The following INSL6 variants were observed in gnomAD, a reference collection of about 807,000 sequenced individuals.
INSL6 encodes insulin-like peptide INSL6.
INSL6 carries 16 observed loss-of-function variants against 9.4 expected under a neutral mutation model. The observed-to-expected ratio is 1.70, with a 90% CI of 1.15 to 2.59. The LOEUF (loss-of-function observed/expected upper bound fraction) is 2.59, where lower values mean the gene tolerates loss of function less well. Ranked by LOEUF, INSL6 falls within the 30% of genes most tolerant of loss-of-function variation. The probability of loss-of-function intolerance (pLI) is 0.00; values close to 1 mark genes in which losing one functional copy is unlikely to be tolerated. For synonymous variants in INSL6, 154 were observed against 96.9 expected, an observed-to-expected ratio of 1.59 and a Z score of -3.46; for missense variants, 391 against 257.3, an observed-to-expected ratio of 1.52 and a Z score of -3.56.
chr9:5,155,576 A>G (rs975767166), intron 2 of INSL6, among the ~76,000 whole-genome samples: 1 of 151,952 alleles, frequency 6.6e-6, no homozygotes, highest in Non-Finnish European at 1.5e-5. Flanking sequence ...ACACCATGGA[A>G]TACTATGCAG....
chr9:5,056,179 G>A, the INSL6 span, among the ~76,000 whole-genome samples: 3 of 152,082 alleles, frequency 2.0e-5, no homozygotes, highest in Non-Finnish European at 4.4e-5. Context: ...ATAAATCAAT[G>A]ATGTCTGGAA....
the INSL6 span, chr9:5,041,674 A>G: frequency 9.8e-6 from 5 of 509,152 alleles, no homozygotes; most frequent in South Asian, 6.0e-5. Context: ...CTCTCCAGCT[A>G]CCTCTTCGAC....
chr9:5,181,099 A>C (rs1201097722), intron 1 of INSL6, among the ~76,000 whole-genome samples: 1 of 152,204 alleles, frequency 6.6e-6, no homozygotes, highest in Admixed American at 6.5e-5. Flanking sequence ...CCTACATTGA[A>C]ATATTGGGGG....
chr9:5,047,856 C>G, the INSL6 span, among the ~76,000 whole-genome samples: 1 of 152,078 alleles, frequency 6.6e-6, no homozygotes. Flanking sequence ...CTACCTCAGC[C>G]TCCCAAAGTG....
chr9:5,177,317 G>C (rs576057534), intron 1 of INSL6, among the ~76,000 whole-genome samples: 2 of 152,200 alleles, frequency 1.3e-5, no homozygotes, highest in African/African-American at 4.8e-5. Context: ...GGAAAGTGGT[G>C]AGTGATTGTG....
the INSL6 span, among the ~76,000 whole-genome samples, chr9:5,039,370 A>G: frequency 6.6e-6 from 1 of 152,142 alleles, no homozygotes; most frequent in Non-Finnish European, 1.5e-5. Context: ...AACTATTTAC[A>G]TAACATTTAC....
At chr9:5,149,283 G>T (rs1442675248) in intron 2 of INSL6, among the ~76,000 whole-genome samples, 1 of 152,172 alleles carries the variant, frequency 6.6e-6, no homozygotes, top group African/African-American at 2.4e-5. Context: ...TTCAGCCTCA[G>T]CAACTGTATC....
intron 1 of INSL6, among the ~76,000 whole-genome samples, 157 bp from the exon 2 acceptor site, chr9:5,164,422 C>G (rs73639267): frequency 0.038 from 5,747 of 152,250 alleles, 155 homozygotes; most frequent in African/African-American, 0.074. Context: ...CAATATTTAA[C>G]TAAAGTAGGT....
the INSL6 span, chr9:5,091,145 GTT>G: frequency 3.0e-6 from 1 of 330,688 alleles, no homozygotes; most frequent in South Asian, 6.8e-5. Context: ...GGGATTGTAG[GTT>G]TTTCTTCAAA....
At chr9:5,134,948 A>C (rs866784590) in intron 2 of INSL6, among the ~76,000 whole-genome samples, 1 of 152,196 alleles carries the variant, frequency 6.6e-6, no homozygotes, top group African/African-American at 2.4e-5. Flanking sequence ...CCCAGCTCAC[A>C]TGCAAAGACA....
the INSL6 span, chr9:5,065,033 C>G: frequency 1.9e-6 from 3 of 1,579,392 alleles, no homozygotes; most frequent in Non-Finnish European, 2.6e-6. Context: ...CTGTCATGGC[C>G]CAATTTCGTG....
At chr9:5,018,688 G>A in the INSL6 span, among the ~76,000 whole-genome samples, 10 of 152,190 alleles carry the variant, frequency 6.6e-5, no homozygotes, top group African/African-American at 1.9e-4. Context: ...AGCATTTCTT[G>A]TAGGTCTGGT....
At chr9:5,043,212 A>C in the INSL6 span, among the ~76,000 whole-genome samples, 7 of 152,182 alleles carry the variant, frequency 4.6e-5, no homozygotes, top group African/African-American at 1.7e-4. Flanking sequence ...GGCAGTGCCC[A>C]GGGCGGTGGC....
At position 5,126,464 on chromosome 9, in the gene INSL6, A is replaced by G. The variant is rs376312242; in HGVS notation, c.*11-1953T>C. On this transcript the variant is annotated intron_variant, in intron 3 of 3. Coordinates refer to the INSL6 transcript ENST00000649639. The stretch of plus-strand genomic sequence containing the variant: ...CAGATGAGGTAACAATTTTTTTTTA[A>G]TCCAGGGTAGTCATGCATTTTCTTT... The G allele has an allele frequency of 6.0e-6, 9 of 1,507,428 alleles. No homozygotes were observed. In the African/African-American group the frequency reaches 1.1e-4, roughly 19 times the overall value. 93.4% of individuals were successfully genotyped at this position (1,507,428 alleles called of 1,614,324 possible).
chr9:5,067,378 G>C, the INSL6 span, among the ~76,000 whole-genome samples: 3 of 152,090 alleles, frequency 2.0e-5, no homozygotes, highest in Non-Finnish European at 4.4e-5. Flanking sequence ...TATCACTTAT[G>C]AGGCAATTTC....
the INSL6 span, among the ~76,000 whole-genome samples, chr9:5,073,342 A>G: frequency 1.3e-5 from 2 of 152,206 alleles, no homozygotes; most frequent in African/African-American, 4.8e-5. Flanking sequence ...TTTAAAGGCT[A>G]CATCCATCTA....
the INSL6 span, among the ~76,000 whole-genome samples, chr9:5,047,771 G>A: frequency 6.6e-6 from 1 of 151,832 alleles, no homozygotes; most frequent in Non-Finnish European, 1.5e-5. Flanking sequence ...AATTTTTTTA[G>A]TTTTGGTTTT....
the INSL6 span, among the ~76,000 whole-genome samples, chr9:5,059,347 T>A: frequency 6.6e-6 from 1 of 152,180 alleles, no homozygotes; most frequent in Non-Finnish European, 1.5e-5. Flanking sequence ...TAGATTCTTT[T>A]AGTTAGTATA....
chr9:5,067,882 G>A, the INSL6 span, among the ~76,000 whole-genome samples: 1 of 152,096 alleles, frequency 6.6e-6, no homozygotes, highest in African/African-American at 2.4e-5. Flanking sequence ...AGCCAGGTGT[G>A]GTGGCTCACA....
Sources: allele counts gnomAD v4.1 joint callset (sites outside exome capture counted in the v4.1 genomes callset), GRCh38; gene constraint gnomAD v4.1.1; transcripts MANE v1.5; gene names NCBI Gene and HGNC (gene_info 2026-07-23, HGNC 2026-07-21).